Variants in FSHR observed in about 807,000 individuals in gnomAD.
FSHR encodes follicle stimulating hormone receptor.
In FSHR, 46 loss-of-function variants were observed where a neutral mutation model predicts 52.1. That is an observed-to-expected ratio of 0.88 (90% CI 0.70 to 1.13). The LOEUF is 1.13. FSHR is among the 50% of genes most tolerant of loss of function. The pLI, the probability that FSHR is intolerant of heterozygous loss-of-function variation, is 0.00. For missense variants in FSHR, 964 were observed against 834.6 expected, an observed-to-expected ratio of 1.16 and a Z score of -1.91; for synonymous variants, 399 against 309.6, an observed-to-expected ratio of 1.29 and a Z score of -3.03.
chr2:49,096,033 G>A (rs1670811657), intron 1 of FSHR, among the ~76,000 whole-genome samples: 1 of 152,174 alleles, frequency 6.6e-6, no homozygotes, highest in African/African-American at 2.4e-5. Flanking sequence ...GTAAATTAAT[G>A]TAGCTGCATT....
At chr2:49,127,778 CTT>C (rs1672071933) in intron 1 of FSHR, among the ~76,000 whole-genome samples, 5 of 45,656 alleles carry the variant, frequency 1.1e-4, no homozygotes, top group African/African-American at 4.7e-4. Context: ...TCTTCTTCTT[CTT>C]CTTCTTCTTC....
chr2:48,975,567 G>C lies in FSHR; in HGVS notation c.669-6684C>G, dbSNP rs76302609. 2.1e-4 allele frequency among the ~76,000 whole-genome samples: 32 copies of C among 152,182 alleles called. No individual in the cohort carries two copies. In the East Asian group the frequency reaches 6.0e-3, roughly 29 times the overall value. ...ACCAAGCCATGCTATAGCTTCCCTG[G>C]TTCTCCAGCTTGCAGATAGCCTATC... On this transcript the variant is annotated intron_variant, in intron 8 of 9. Transcript: ENST00000406846.
rs767690518 is a variant in FSHR at position 49,154,249 on chromosome 2, CT to C, written c.152+16del. 1.2e-6 allele frequency: 2 copies of C among 1,613,068 alleles called. No individual in the cohort carries two copies. Among genetic ancestry groups the C allele is most frequent in the Non-Finnish European group, 1.7e-6 (2 of 1,179,314 alleles). On this transcript the variant is annotated intron_variant, in intron 1 of 9. Coordinates refer to ENST00000406846, the MANE Select transcript of FSHR (RefSeq NM_000145.4). ...AATGCCAGCCATGCAGTTGTTCCCC[CT>C]CCCTCTGATACTCACAGTTCAATGG...
intron 1 of FSHR, among the ~76,000 whole-genome samples, chr2:49,102,907 A>G (rs1293367683): frequency 6.6e-6 from 1 of 152,114 alleles, no homozygotes; most frequent in Non-Finnish European, 1.5e-5. Context: ...GGCATCCTTG[A>G]AATCGGATTG....
intron 1 of FSHR, among the ~76,000 whole-genome samples, chr2:49,094,810 T>C (rs1670760405): frequency 6.6e-6 from 1 of 151,652 alleles, no homozygotes; most frequent in Non-Finnish European, 1.5e-5. Context: ...AGAAATAAAA[T>C]AGAGAATAGA....
intron 1 of FSHR, among the ~76,000 whole-genome samples, chr2:49,145,524 C>T (rs950052346): frequency 2.6e-5 from 4 of 152,212 alleles, no homozygotes; most frequent in Admixed American, 2.0e-4. Flanking sequence ...TCTGTTCTGG[C>T]ATCAGGCAGG....
intron 1 of FSHR, among the ~76,000 whole-genome samples, chr2:49,079,124 A>G (rs1670066284): frequency 6.6e-6 from 1 of 152,164 alleles, no homozygotes. Context: ...AAACTATATC[A>G]ATTACAGTGA....
At chr2:49,146,191 G>T (rs994446861) in intron 1 of FSHR, among the ~76,000 whole-genome samples, 8 of 152,046 alleles carry the variant, frequency 5.3e-5, no homozygotes, top group African/African-American at 1.9e-4. Context: ...GGCTACTATT[G>T]TGAGAAGACG....
chr2:48,994,153 C>A (rs547508189), intron 4 of FSHR, among the ~76,000 whole-genome samples: 2 of 152,252 alleles, frequency 1.3e-5, no homozygotes, highest in East Asian at 3.9e-4. Flanking sequence ...TATGTTTTGT[C>A]AAGAGATGAA....
intron 1 of FSHR, among the ~76,000 whole-genome samples, chr2:49,142,548 A>C (rs1672725153): frequency 6.6e-6 from 1 of 152,232 alleles, no homozygotes; most frequent in African/African-American, 2.4e-5. Flanking sequence ...ACTCTCTGGC[A>C]CCTCAAACAG....
At chr2:49,082,235 G>C (rs930871067) in intron 1 of FSHR, among the ~76,000 whole-genome samples, 10 of 152,154 alleles carry the variant, frequency 6.6e-5, no homozygotes, top group African/African-American at 1.9e-4. Context: ...AGCAGGGGCA[G>C]ACTGACACCT....
intron 2 of FSHR, among the ~76,000 whole-genome samples, chr2:49,025,175 A>G (rs1048208931): frequency 3.9e-5 from 6 of 152,244 alleles, no homozygotes; most frequent in Non-Finnish European, 7.3e-5. Flanking sequence ...GCTTCTTAGC[A>G]GAAAACTTGG....
At chr2:49,127,909 T>TC (rs1672123237) in intron 1 of FSHR, among the ~76,000 whole-genome samples, 3 of 134,316 alleles carry the variant, frequency 2.2e-5, no homozygotes, top group Non-Finnish European at 4.7e-5. Flanking sequence ...TTTTTTTTTT[T>TC]TGAGACGGAG....
intron 1 of FSHR, among the ~76,000 whole-genome samples, chr2:49,084,053 C>A (rs1232160548): frequency 6.6e-6 from 1 of 151,694 alleles, no homozygotes; most frequent in Non-Finnish European, 1.5e-5. Context: ...TTTTTTTCAG[C>A]ACCACACCAC....
In FSHR at chr2:49,114,737, C is replaced by T. The variant is rs558566791; in HGVS notation, c.152+39529G>A. 4.1e-3 allele frequency among the ~76,000 whole-genome samples: 622 copies of T among 152,174 alleles called. 4 individuals are homozygous for T. The highest frequency in any genetic ancestry group is 0.014 in the African/African-American group (564 of 41,536). ...AAGATGCCAGAAGTTGGGATGGTTTCTCTCTCACTCTGCCTTAGGGAAACT... is the reference window on the plus strand; with the variant it reads ...AAGATGCCAGAAGTTGGGATGGTTTTTCTCTCACTCTGCCTTAGGGAAACT... On this transcript the variant is annotated intron_variant, in intron 1 of 9. Coordinates refer to ENST00000406846, the MANE Select transcript of FSHR (RefSeq NM_000145.4).
chr2:49,039,472 T>C (rs1421931279), intron 2 of FSHR, among the ~76,000 whole-genome samples: 1 of 152,238 alleles, frequency 6.6e-6, no homozygotes, highest in Non-Finnish European at 1.5e-5. Flanking sequence ...AGGTCAACAG[T>C]GCTCCACTTT....
At chr2:49,058,592 A>C (rs1164399426) in intron 2 of FSHR, among the ~76,000 whole-genome samples, 1 of 152,140 alleles carries the variant, frequency 6.6e-6, no homozygotes, top group Non-Finnish European at 1.5e-5. Flanking sequence ...CTGTTAAACA[A>C]ATTCAGTAAA....
intron 4 of FSHR, among the ~76,000 whole-genome samples, chr2:49,008,025 T>C (rs1381427332): frequency 6.6e-6 from 1 of 152,086 alleles, no homozygotes; most frequent in East Asian, 1.9e-4. Flanking sequence ...TAAATTTTTT[T>C]TATTTTTTAT....
chr2:48,999,618 G>C (rs1373087994), intron 4 of FSHR, among the ~76,000 whole-genome samples: 1 of 152,066 alleles, frequency 6.6e-6, no homozygotes, highest in Non-Finnish European at 1.5e-5. Flanking sequence ...TTCCAACTTA[G>C]AAACTGAGCA....
Sources: gnomAD v4.1 joint callset for allele counts (sites outside exome capture counted in the v4.1 genomes callset) on GRCh38, gnomAD v4.1.1 for gene constraint, MANE v1.5 for transcripts, NCBI Gene and HGNC (gene_info 2026-07-23, HGNC 2026-07-21) for gene names.